Variants in CERT1 observed in about 807,000 individuals in gnomAD.
CERT1 encodes ceramide transfer protein.
A neutral mutation model predicts 87.9 loss-of-function variants in CERT1; 31 were observed. The observed-to-expected ratio is 0.35, with a 90% CI of 0.27 to 0.48. The LOEUF is 0.48. Among genes scored for constraint, CERT1 ranks in the 20% least tolerant of loss-of-function variants. CERT1 has a pLI of 0.99. For synonymous variants in CERT1, 289 were observed against 250.9 expected (o/e 1.15, Z -1.44); for missense variants, 487 against 758.0 (o/e 0.64, Z 4.20).
chr5:75,496,867 C>CTA (rs1324580566), intron 2 of CERT1, among the ~76,000 whole-genome samples: 1 of 152,058 alleles, frequency 6.6e-6, no homozygotes, highest in East Asian at 1.9e-4. Context: ...GTGGTAATGA[C>CTA]TATATGACTG....
chr5:75,496,533 A>C (rs960018810), intron 2 of CERT1, among the ~76,000 whole-genome samples: 3 of 152,234 alleles, frequency 2.0e-5, no homozygotes, highest in African/African-American at 7.2e-5. Context: ...TGTTTAGAGC[A>C]GCCTTATTTA....
intron 10 of CERT1, among the ~76,000 whole-genome samples, chr5:75,399,995 G>A (rs189171117): frequency 7.2e-4 from 110 of 152,260 alleles, no homozygotes; most frequent in African/African-American, 2.6e-3. Context: ...AGCTGGGTGT[G>A]GTGGTACATG....
chr5:75,508,820 A>G (rs1158855379), intron 1 of CERT1, among the ~76,000 whole-genome samples: 3 of 152,152 alleles, frequency 2.0e-5, no homozygotes, highest in Non-Finnish European at 2.9e-5. Context: ...ACTCTTAAGG[A>G]TGGACAGAAT....
intron 2 of CERT1, among the ~76,000 whole-genome samples, chr5:75,469,667 T>C (rs1765626370): frequency 6.6e-6 from 1 of 152,028 alleles, no homozygotes. Flanking sequence ...TTAGCCACAA[T>C]GACAGTAAGA....
chr5:75,420,891 C>T (rs562559661), intron 5 of CERT1, among the ~76,000 whole-genome samples: 57 of 152,248 alleles, frequency 3.7e-4, no homozygotes, highest in Middle Eastern at 3.4e-3. Flanking sequence ...GGCACAATCT[C>T]AGCTCACTGC....
intron 2 of CERT1, among the ~76,000 whole-genome samples, chr5:75,479,668 T>C (rs545225092): frequency 3.2e-4 from 49 of 152,346 alleles, no homozygotes; most frequent in African/African-American, 1.2e-3. Context: ...ATGTACCACA[T>C]TTTCTTTATC....
intron 11 of CERT1, among the ~76,000 whole-genome samples, chr5:75,391,457 T>A (rs1372604860): frequency 6.6e-6 from 1 of 152,222 alleles, no homozygotes; most frequent in African/African-American, 2.4e-5. Context: ...TAACAATATT[T>A]TATTCCTTTA....
At chr5:75,504,975 C>T (rs1767585513) in intron 2 of CERT1, among the ~76,000 whole-genome samples, 1 of 152,038 alleles carries the variant, frequency 6.6e-6, no homozygotes, top group Admixed American at 6.6e-5. Context: ...ACAGTTGTTT[C>T]TATATACTAA....
At position 75,426,401 on chromosome 5, in the gene CERT1, G is replaced by T; in HGVS notation, c.426C>A (p.Gly142=). ...SMVSLVSGAS[G]YSATSTSSFK... is the part of the protein sequence containing the mutation. ...ATGAAGAGGTGGATGTTGCAGAGTA[G>T]CCACTTGCTCCAGACACCAGGGACA... is the stretch of plus-strand genomic sequence containing the variant. The change falls in exon 4 of 17, where the codon GGC becomes GGA. Residue 142 remains glycine, a synonymous_variant. Coordinates refer to ENST00000643780, the MANE Select transcript of CERT1 (RefSeq NM_001379029.1). The T allele has an allele frequency of 1.2e-6, 2 of 1,613,466 alleles. No individual in the cohort carries two copies. The highest frequency in any genetic ancestry group is 2.2e-5 in the South Asian group (2 of 91,048).
chr5:75,484,078 G>C (rs918166607), intron 2 of CERT1, among the ~76,000 whole-genome samples: 4 of 151,974 alleles, frequency 2.6e-5, no homozygotes, highest in African/African-American at 9.7e-5. Flanking sequence ...AAGTTTAAAA[G>C]TGGGGGGTGA....
intron 3 of CERT1, among the ~76,000 whole-genome samples, chr5:75,432,730 T>C (rs957821070): frequency 6.6e-6 from 1 of 152,268 alleles, no homozygotes; most frequent in Non-Finnish European, 1.5e-5. Flanking sequence ...TTTTTGTTTT[T>C]GTTGCAATTG....
chr5:75,419,573 G>A (rs1763286625), intron 5 of CERT1, 149 bp from the exon 6 acceptor site: 1 of 613,678 alleles, frequency 1.6e-6, no homozygotes, highest in Non-Finnish European at 2.9e-6. Context: ...ATCAAGGTAT[G>A]CTCAATAAAT....
At chr5:75,419,263 G>T (rs1763269839) in intron 6 of CERT1, 78 bp downstream of exon 6, 6 of 898,134 alleles carry the variant, frequency 6.7e-6, no homozygotes, top group Non-Finnish European at 1.0e-5. Flanking sequence ...AATTAATCAG[G>T]TAATTATTTC....
intron 3 of CERT1, among the ~76,000 whole-genome samples, chr5:75,449,082 T>A (rs894376664): frequency 2.0e-5 from 3 of 152,182 alleles, no homozygotes; most frequent in African/African-American, 4.8e-5. Flanking sequence ...ACCCCTTCCT[T>A]TAAACTTTCT....
rs200630908 is a variant in CERT1, at chr5:75,414,346, T to TA, written c.837+2529dup. ...ATGGTTAAGGGGTGTATACAAACGT[T>TA]AAAAAAAATCAGGTAGTATACTTAA... On this transcript the variant is annotated intron_variant, in intron 7 of 16. Coordinates refer to ENST00000643780, the MANE Select transcript of CERT1 (RefSeq NM_001379029.1). Among the ~76,000 whole-genome samples, 165 of 152,068 alleles carry TA rather than the reference T, an allele frequency of 1.1e-3. 1 individual carries two copies. The East Asian group carries it at 0.027, about 25-fold the overall frequency.
intron 13 of CERT1, 75 bp downstream of exon 13, chr5:75,385,827 G>C: frequency 3.5e-6 from 4 of 1,130,488 alleles, no homozygotes; most frequent in Non-Finnish European, 4.6e-6. Flanking sequence ...CTATGTAGGA[G>C]ATGCAGAAAA....
intron 3 of CERT1, among the ~76,000 whole-genome samples, chr5:75,445,125 C>T (rs9791146): frequency 0.078 from 11,819 of 152,186 alleles, 562 homozygotes; most frequent in South Asian, 0.17. Flanking sequence ...ATCCATTAGT[C>T]TACTGAAAAC....
chr5:75,380,865 A>T (rs1468444947), intron 16 of CERT1, among the ~76,000 whole-genome samples: 1 of 152,114 alleles, frequency 6.6e-6, no homozygotes, highest in African/African-American at 2.4e-5. Context: ...TAGCTTCAGA[A>T]ATACTCATAT....
At chr5:75,424,904 G>C (rs753974431) in intron 5 of CERT1, among the ~76,000 whole-genome samples, 7 of 152,104 alleles carry the variant, frequency 4.6e-5, no homozygotes, top group Admixed American at 1.3e-4. Flanking sequence ...CTTGAGGCCA[G>C]GAGTTCAAGA....
Sources: allele counts gnomAD v4.1 joint callset (sites outside exome capture counted in the v4.1 genomes callset), GRCh38; gene constraint gnomAD v4.1.1; transcripts MANE v1.5; gene names NCBI Gene and HGNC (gene_info 2026-07-23, HGNC 2026-07-21).